OSBPL10: variants seen among roughly 807,000 people sequenced by gnomAD.
OSBPL10 encodes the protein oxysterol-binding protein-related protein 10.
Under a neutral mutation model 81.7 loss-of-function variants are expected in OSBPL10, and 49 were observed. The ratio of observed to expected loss-of-function variants is 0.60; its 90% CI spans 0.48 to 0.76. The LOEUF (loss-of-function observed/expected upper bound fraction) is 0.76, where lower values mean the gene tolerates loss of function less well. Ranked by LOEUF, OSBPL10 falls within the 30% of genes least tolerant of loss-of-function variation. OSBPL10 has a pLI of 0.00. For synonymous variants in OSBPL10, 419 were observed against 383.6 expected, an observed-to-expected ratio of 1.09 and a Z score of -1.08; for missense variants, 923 against 987.8, an observed-to-expected ratio of 0.93 and a Z score of 0.88.
At position 32,026,057 on chromosome 3, in the gene OSBPL10, T is replaced by TGATAGATAGATAGATGATTGATAGATA. The variant is rs1553649757; in HGVS notation, n.298+20433_298+20434insTATCTATCAATCATCTATCTATCTATC. 2.1e-3 allele frequency among the ~76,000 whole-genome samples: 234 copies of TGATAGATAGATAGATGATTGATAGATA among 111,336 alleles called. 1 individual carries two copies. The East Asian group carries it at 0.029, about 14-fold the overall frequency. 73.0% of individuals were successfully genotyped at this position (111,336 alleles called of 152,430 possible). A position where few individuals can be genotyped will look rare whatever the true frequency, so the allele number is the denominator to read the frequency against. On this transcript the variant is annotated intron_variant and non_coding_transcript_variant, in intron 2 of 3. Coordinates refer to the OSBPL10 transcript ENST00000479173. ...ATAGATAGATAGATAGATAGATAGA[T>TGATAGATAGATAGATGATTGATAGATA]GATAGATAGATAGATAGATAGATAG... is the stretch of plus-strand genomic sequence containing the variant.
chr3:31,702,414 C>G lies in OSBPL10; in HGVS notation c.1190G>C (p.Arg397Pro), dbSNP rs369118257. 6.2e-7 allele frequency: 1 copy of G among 1,614,090 alleles called. No individual in the cohort carries two copies. Among genetic ancestry groups the G allele is most frequent in the Non-Finnish European group, 8.5e-7 (1 of 1,180,046 alleles). Residue 397 changes from arginine to proline, a missense_variant, in exon 7 of 12, where the codon CGT becomes CCT. By Grantham distance (103) the Arg-to-Pro change is moderately radical. Coordinates refer to ENST00000396556, the MANE Select transcript of OSBPL10 (RefSeq NM_017784.5). ...ETELGVMEDQ[R>P]SIILHLISQL... is the part of the protein sequence containing the mutation. ...TGAAATGAGATGAAGAATTATACTA[C>G]GCTGATCCTCCATGACGCCCAATTC...
chr3:31,675,963 A>G (rs1402416944), intron 8 of OSBPL10, among the ~76,000 whole-genome samples: 5 of 151,676 alleles, frequency 3.3e-5, no homozygotes, highest in East Asian at 3.9e-4. Context: ...AAAAAAAAAA[A>G]AAGAGGAAAC....
intron 6 of OSBPL10, chr3:31,709,178 G>A (rs550346037): frequency 3.1e-5 from 11 of 353,228 alleles, no homozygotes; most frequent in South Asian, 2.3e-4. Flanking sequence ...GCTGCCTTTC[G>A]GAGATGCTGA....
intron 4 of OSBPL10, among the ~76,000 whole-genome samples, chr3:31,819,532 C>A (rs1699929802): frequency 6.6e-6 from 1 of 152,204 alleles, no homozygotes; most frequent in South Asian, 2.1e-4. Flanking sequence ...TGGGGTACTG[C>A]ACAGGCCAGG....
At position 31,813,676 on chromosome 3, in the gene OSBPL10, G is replaced by T. The variant is rs538551799; in HGVS notation, c.729+16364C>A. ...GAGGGGACGAGGTGCATGTACCCATGCTTTGTGTGTGCCTTGTTAAGAGAG... is the reference window on the plus strand; with the variant it reads ...GAGGGGACGAGGTGCATGTACCCATTCTTTGTGTGTGCCTTGTTAAGAGAG... On this transcript the variant is annotated intron_variant, in intron 4 of 11. Transcript: ENST00000396556. Among the ~76,000 whole-genome samples, 5 of 152,298 alleles carry T rather than the reference G, an allele frequency of 3.3e-5. No homozygotes were observed. The East Asian group carries it at 9.7e-4, about 29-fold the overall frequency.
intron 8 of OSBPL10, among the ~76,000 whole-genome samples, chr3:31,675,181 GAATTGGGA>G (rs2125525711): frequency 2.3e-5 from 1 of 44,352 alleles, no homozygotes; most frequent in African/African-American, 4.5e-4. Flanking sequence ...GATACCTTGG[GAATTGGGA>G]ACTCCCACCT....
At chr3:31,898,119 G>A (rs1696119560) in intron 1 of OSBPL10, among the ~76,000 whole-genome samples, 1 of 150,438 alleles carries the variant, frequency 6.6e-6, no homozygotes, top group Non-Finnish European at 1.5e-5. Context: ...AGATCTTGTT[G>A]ACATTTTAAG....
intron 6 of OSBPL10, chr3:31,719,070 C>T (rs1486870802): frequency 6.6e-6 from 1 of 152,110 alleles, no homozygotes; most frequent in African/African-American, 2.4e-5. Flanking sequence ...CAAAACAGCC[C>T]ACATGTAGAA....
At chr3:31,950,989 G>C (rs1455555200) in intron 1 of OSBPL10, among the ~76,000 whole-genome samples, 1 of 152,180 alleles carries the variant, frequency 6.6e-6, no homozygotes, top group Non-Finnish European at 1.5e-5. Flanking sequence ...CCCAGTCTCA[G>C]ATATTCCTTT....
At chr3:31,784,205 C>A (rs1698798380) in intron 4 of OSBPL10, among the ~76,000 whole-genome samples, 1 of 151,364 alleles carries the variant, frequency 6.6e-6, no homozygotes, top group Non-Finnish European at 1.5e-5. Context: ...CAAAACAAAA[C>A]AAAAAAACTA....
chr3:32,048,470 G>A (rs556879989), intron 1 of OSBPL10, among the ~76,000 whole-genome samples: 39 of 152,208 alleles, frequency 2.6e-4, no homozygotes, highest in Non-Finnish European at 1.3e-4. Context: ...ACCATGCCCG[G>A]CTAATTTTGT....
At chr3:31,998,208 G>A (rs978879512) in intron 2 of OSBPL10, among the ~76,000 whole-genome samples, 3 of 152,194 alleles carry the variant, frequency 2.0e-5, no homozygotes, top group African/African-American at 7.2e-5. Flanking sequence ...ACTATGATGT[G>A]TGAGAGAGTA....
At chr3:31,712,458 A>G (rs1222156709) in intron 6 of OSBPL10, among the ~76,000 whole-genome samples, 2 of 152,242 alleles carry the variant, frequency 1.3e-5, no homozygotes, top group African/African-American at 4.8e-5. Flanking sequence ...CCTTGATGTA[A>G]AAACATGAAT....
chr3:32,068,022 C>T (rs1053296263), intron 1 of OSBPL10, among the ~76,000 whole-genome samples: 6 of 152,192 alleles, frequency 3.9e-5, no homozygotes, highest in Admixed American at 6.5e-5. Flanking sequence ...CTACAACCTC[C>T]GGTCCTCAGA....
At chr3:31,688,283 T>TCTCTCACACACA (rs1246299416) in intron 7 of OSBPL10, among the ~76,000 whole-genome samples, 5 of 115,408 alleles carry the variant, frequency 4.3e-5, no homozygotes, top group East Asian at 5.6e-4. Flanking sequence ...TCTCTCTCTC[T>TCTCTCACACACA]CACACACACA....
chr3:31,968,917 T>A (rs1362744707), intron 1 of OSBPL10, among the ~76,000 whole-genome samples: 1 of 152,186 alleles, frequency 6.6e-6, no homozygotes, highest in Admixed American at 6.5e-5. Flanking sequence ...GAGGAATCAA[T>A]ATGAAATGCT....
intron 1 of OSBPL10, among the ~76,000 whole-genome samples, chr3:31,900,487 C>T (rs1054742371): frequency 7.2e-5 from 11 of 152,180 alleles, no homozygotes; most frequent in Non-Finnish European, 1.6e-4. Flanking sequence ...GGCCTCTCCT[C>T]AGACAAGACC....
At chr3:31,721,863 G>A (rs376883887) in intron 6 of OSBPL10, among the ~76,000 whole-genome samples, 9 of 152,210 alleles carry the variant, frequency 5.9e-5, no homozygotes, top group African/African-American at 1.9e-4. Context: ...CTCACATAAT[G>A]TTTATAACAT....
chr3:31,765,404 G>T (rs575002377), intron 4 of OSBPL10, among the ~76,000 whole-genome samples: 2 of 152,042 alleles, frequency 1.3e-5, no homozygotes, highest in South Asian at 2.1e-4. Flanking sequence ...GTGCCACTTT[G>T]TCTCTTCTGT....
Sources: gnomAD v4.1 joint callset for allele counts (sites outside exome capture counted in the v4.1 genomes callset) on GRCh38, gnomAD v4.1.1 for gene constraint, MANE v1.5 for transcripts, NCBI Gene and HGNC (gene_info 2026-07-23, HGNC 2026-07-21) for gene names.